Variants in TRDMT1 observed in about 807,000 individuals in gnomAD.
TRDMT1 encodes the protein tRNA (cytosine(38)-C(5))-methyltransferase.
Under a neutral mutation model 51.2 loss-of-function variants are expected in TRDMT1, and 49 were observed. The observed-to-expected ratio is 0.96, with a 90% CI of 0.76 to 1.21. The LOEUF is 1.21. TRDMT1 is among the 50% of genes most tolerant of loss of function. TRDMT1 has a pLI of 0.00. For missense variants in TRDMT1, 534 were observed against 462.3 expected, an observed-to-expected ratio of 1.16 and a Z score of -1.42; for synonymous variants, 187 against 164.6, an observed-to-expected ratio of 1.14 and a Z score of -1.04.
rs904272535 is a variant in TRDMT1, at chr10:17,143,543, G to A, written c.*5497C>T. On this transcript the variant is annotated 3_prime_UTR_variant, in exon 11 of 11. Transcript: ENST00000377799. ...CTTGTGTAAGGAACCAGCTAAGTGA[G>A]TAAAATAGCAAATATTTTAGTAAAA... The A allele has an allele frequency of 1.0e-6, 1 of 985,216 alleles. No homozygotes were observed. The highest frequency in any genetic ancestry group is 1.2e-6 in the Non-Finnish European group (1 of 829,920). The allele number at this position is 985,216 out of a possible 1,614,324, so 61.0% of individuals were successfully genotyped here. A position where few individuals can be genotyped will look rare whatever the true frequency, so the allele number is the denominator to read the frequency against.
intron 1 of TRDMT1, among the ~76,000 whole-genome samples, chr10:17,188,772 A>G (rs941925919): frequency 1.3e-5 from 2 of 152,240 alleles, no homozygotes; most frequent in East Asian, 3.8e-4. Flanking sequence ...GAGTTCGTGT[A>G]TAATGATGTC....
intron 1 of TRDMT1, among the ~76,000 whole-genome samples, chr10:17,184,549 C>T (rs1439155169): frequency 6.6e-6 from 1 of 151,808 alleles, no homozygotes; most frequent in East Asian, 1.9e-4. Context: ...TATAGTTAGC[C>T]CTCCTTGAAA....
intron 1 of TRDMT1, among the ~76,000 whole-genome samples, chr10:17,193,145 C>G (rs1423777594): frequency 2.0e-5 from 3 of 152,152 alleles, no homozygotes; most frequent in Non-Finnish European, 4.4e-5. Context: ...GGGCTGATCA[C>G]CTGAGGTCAG....
chr10:17,180,635 T>G (rs1041060304), intron 1 of TRDMT1, among the ~76,000 whole-genome samples: 9 of 152,172 alleles, frequency 5.9e-5, no homozygotes, highest in African/African-American at 2.2e-4. Context: ...AATGCTTAAT[T>G]TTTTCCTTCT....
intron 1 of TRDMT1, among the ~76,000 whole-genome samples, chr10:17,198,642 G>A (rs1365836954): frequency 1.3e-5 from 2 of 152,118 alleles, no homozygotes; most frequent in Non-Finnish European, 2.9e-5. Flanking sequence ...AGGGACTGGG[G>A]GGAAAGGGAA....
chr10:17,160,398 T>A, intron 5 of TRDMT1, 24 bp from the exon 6 acceptor site: 1 of 1,390,268 alleles, frequency 7.2e-7, no homozygotes, highest in Non-Finnish European at 9.7e-7. Context: ...AAAAAAACTT[T>A]AATTCTTACT....
intron 1 of TRDMT1, among the ~76,000 whole-genome samples, chr10:17,180,229 C>T (rs1008135149): frequency 1.3e-5 from 2 of 152,136 alleles, no homozygotes; most frequent in Non-Finnish European, 2.9e-5. Flanking sequence ...AGTAAGTGAA[C>T]TACGACAAAC....
At chr10:17,160,819 G>C (rs1175023943) in intron 5 of TRDMT1, among the ~76,000 whole-genome samples, 1 of 152,148 alleles carries the variant, frequency 6.6e-6, no homozygotes, top group Non-Finnish European at 1.5e-5. Flanking sequence ...TGTTTAGAAA[G>C]ATAATGACCC....
chr10:17,150,720 C>T (rs1372833834), intron 10 of TRDMT1: 14 of 984,976 alleles, frequency 1.4e-5, no homozygotes, highest in African/African-American at 1.7e-5. Flanking sequence ...AATAAAGTTG[C>T]TTCATTGACA....
In TRDMT1 at chr10:17,157,574, T is replaced by C. The variant is rs772046002; in HGVS notation, c.754A>G (p.Met252Val). The C allele has an allele frequency of 6.2e-7, 1 of 1,614,104 alleles. No homozygotes were observed. Among genetic ancestry groups the C allele is most frequent in the South Asian group, 1.1e-5 (1 of 91,084 alleles). Residue 252 changes from methionine (M) to valine (V), a missense_variant, in exon 8 of 11, where the codon ATG becomes GTG. Transcript: ENST00000377799. ...TCATCTTCAAGAAAATCTTTTAGCA[T>C]TTTCACAGAGAGATCACTATCTTGT... ...NQQDSDLSVK[M>V]LKDFLEDDTD...
At chr10:17,183,109 G>C (rs867140242) in intron 1 of TRDMT1, among the ~76,000 whole-genome samples, 2 of 152,172 alleles carry the variant, frequency 1.3e-5, no homozygotes, top group Admixed American at 1.3e-4. Flanking sequence ...AGTATGTAAA[G>C]ATAAGAGTGT....
chr10:17,181,111 T>C (rs573399062), intron 1 of TRDMT1, among the ~76,000 whole-genome samples: 2 of 152,320 alleles, frequency 1.3e-5, no homozygotes, highest in South Asian at 2.1e-4. Context: ...TAAAAGGATA[T>C]CTGCCACCCC....
chr10:17,144,482 A>G lies in TRDMT1; in HGVS notation c.*4558T>C. ...ATTTATAGGAAAAATGAGATTTTGG[A>G]AGCTTTAGGAGTCAAGTGTGGTGTA... On this transcript the variant is annotated 3_prime_UTR_variant, in exon 11 of 11. Coordinates refer to ENST00000377799, the MANE Select transcript of TRDMT1 (RefSeq NM_004412.7). The G allele has an allele frequency of 1.0e-6, 1 of 985,754 alleles. No individual in the cohort carries two copies. Among genetic ancestry groups the G allele is most frequent in the South Asian group, 4.7e-5 (1 of 21,280 alleles). 61.1% of individuals were successfully genotyped at this position (985,754 alleles called of 1,614,324 possible).
rs569873907 is a variant in TRDMT1, at chr10:17,153,651, C to T, written c.946-15G>A. ...ATATTCTCAACCTGTAAGAAAATAC[C>T]CAAGATAACTAAAAAAGTAATGTGC... is the stretch of plus-strand genomic sequence containing the variant. On this transcript the variant is annotated splice_polypyrimidine_tract_variant and intron_variant, in intron 9 of 10. Transcript: ENST00000377799. 1.3e-6 allele frequency: 2 copies of T among 1,549,716 alleles called. No homozygotes were observed. The highest frequency in any genetic ancestry group is 1.4e-5 in the African/African-American group (1 of 72,216).
chr10:17,151,657 A>G, intron 10 of TRDMT1: 1 of 964,322 alleles, frequency 1.0e-6, no homozygotes, highest in Non-Finnish European at 1.2e-6. Flanking sequence ...ATATATATTC[A>G]AAGAGCTTTG....
In TRDMT1 at chr10:17,162,263, C is replaced by A. The variant is rs201306627; in HGVS notation, c.252-26G>T. On this transcript the variant is annotated intron_variant, in intron 3 of 10. Transcript: ENST00000377799. The stretch of plus-strand genomic sequence containing the variant: ...CTAAAGGGGTAAAAAAAAAAAAAAA[C>A]AAAAAAAAACACAGAAAGTTTATTA... 4.0e-3 allele frequency: 3,887 copies of A among 961,428 alleles called. 14 individuals are homozygous for A. Among genetic ancestry groups the A allele is most frequent in the African/African-American group, 0.015 (704 of 45,754 alleles). 59.6% of individuals were successfully genotyped at this position (961,428 alleles called of 1,614,324 possible).
In TRDMT1 at chr10:17,143,448, A is replaced by G; in HGVS notation, c.*5592T>C. The G allele has an allele frequency of 5.1e-6, 5 of 985,420 alleles. No individual in the cohort carries two copies. The highest frequency in any genetic ancestry group is 6.0e-6 in the Non-Finnish European group (5 of 829,902). The allele number at this position is 985,420 out of a possible 1,614,324, so 61.0% of individuals were successfully genotyped here. A position where few individuals can be genotyped will look rare whatever the true frequency, so the allele number is the denominator to read the frequency against. On this transcript the variant is annotated 3_prime_UTR_variant, in exon 11 of 11. Transcript: ENST00000377799. ...TAAATATGAAAGTCAACTCATTTCTACTACACAAGGAGTATCACATTCCAT... is the reference window on the plus strand; with the variant it reads ...TAAATATGAAAGTCAACTCATTTCTGCTACACAAGGAGTATCACATTCCAT...
rs1308012057 is a variant in TRDMT1, at chr10:17,138,904, T to TGC, written c.*10134_*10135dup. Among the ~76,000 whole-genome samples, 1 of 152,116 alleles carries TGC rather than the reference T, an allele frequency of 6.6e-6. No homozygotes were observed. The highest frequency in any genetic ancestry group is 1.5e-5 in the Non-Finnish European group (1 of 68,028). On this transcript the variant is annotated 3_prime_UTR_variant, in exon 11 of 11. Coordinates refer to ENST00000377799, the MANE Select transcript of TRDMT1 (RefSeq NM_004412.7). ...TTCGTGGCACATGTATACACACGTG[T>TGC]GCACACACAGCTTCCTAATTGTAAC...
At chr10:17,153,774 T>G in intron 9 of TRDMT1, 138 bp from the exon 10 acceptor site, 1 of 789,694 alleles carries the variant, frequency 1.3e-6, no homozygotes, top group Admixed American at 3.2e-5. Flanking sequence ...GCAAAATGGC[T>G]CTGTGCAATA....
Sources: gnomAD v4.1 joint callset for allele counts (sites outside exome capture counted in the v4.1 genomes callset) on GRCh38, gnomAD v4.1.1 for gene constraint, MANE v1.5 for transcripts, NCBI Gene and HGNC (gene_info 2026-07-23, HGNC 2026-07-21) for gene names.